Variants in DDX47 observed in about 807,000 individuals in gnomAD.
The protein encoded by DDX47 is DEAD-box helicase 47.
Under a neutral mutation model 58.8 loss-of-function variants are expected in DDX47, and 60 were observed. That is an observed-to-expected ratio of 1.02 (90% CI 0.83 to 1.26). DDX47 has a LOEUF of 1.26. Ranked by LOEUF, DDX47 falls within the 50% of genes most tolerant of loss-of-function variation. The pLI is 0.00. For missense variants in DDX47, 530 were observed against 573.2 expected (o/e 0.92, Z 0.77); for synonymous variants, 197 against 204.6 (o/e 0.96, Z 0.32).
intron 9 of DDX47, 26 bp from the exon 10 acceptor site, chr12:12,825,974 G>A: frequency 6.3e-7 from 1 of 1,584,988 alleles, no homozygotes; most frequent in Non-Finnish European, 8.6e-7. Flanking sequence ...CATATAACTT[G>A]AATTTATTTA....
intron 10 of DDX47, 189 bp downstream of exon 10, chr12:12,826,259 T>C: frequency 2.1e-6 from 1 of 480,136 alleles, no homozygotes; most frequent in Non-Finnish European, 3.7e-6. Context: ...GGAGATTATA[T>C]ATGTAAAAGA....
At chr12:12,820,792 T>G in intron 2 of DDX47, 1 of 204,888 alleles carries the variant, frequency 4.9e-6, no homozygotes. Flanking sequence ...TGAGCTACCA[T>G]GCCCAGCCAG....
chr12:12,815,401 C>T (rs186461676), intron 2 of DDX47, among the ~76,000 whole-genome samples: 40 of 152,250 alleles, frequency 2.6e-4, no homozygotes, highest in African/African-American at 9.1e-4. Context: ...TGGAGGTTAA[C>T]AGTCTGTCCT....
intron 2 of DDX47, among the ~76,000 whole-genome samples, chr12:12,819,821 A>G (rs748752977): frequency 2.0e-5 from 3 of 152,018 alleles, no homozygotes; most frequent in Non-Finnish European, 4.4e-5. Flanking sequence ...TCCTTTTGTT[A>G]GTTTCTGAAT....
Position 12,827,324 on chromosome 12 carries a change from G to A in DDX47, c.1185G>A (p.Glu395=), listed in dbSNP as rs747941816. 2 of 1,614,170 alleles carry A rather than the reference G, an allele frequency of 1.2e-6. No homozygotes were observed. The highest frequency in any genetic ancestry group is 4.5e-5 in the East Asian group (2 of 44,880). Reference sequence around the variant, plus strand: ...CAGGTTTTCCAACACAGGATGATGAGGTTATGATGCTGACAGAACGCGTCG... The same window carrying A: ...CAGGTTTTCCAACACAGGATGATGAAGTTATGATGCTGACAGAACGCGTCG... The part of the protein sequence containing the change: ...KLPGFPTQDD[E]VMMLTERVAE... The change falls in exon 11 of 12, where the codon GAG becomes GAA. Residue 395 remains glutamate, a synonymous_variant. Transcript: ENST00000358007.
In DDX47 at chr12:12,829,828, T is replaced by G. The variant is rs932018075; in HGVS notation, c.*274T>G. On this transcript the variant is annotated 3_prime_UTR_variant, in exon 12 of 12. Coordinates refer to ENST00000358007, the MANE Select transcript of DDX47 (RefSeq NM_016355.4). ...TGTCACTTCACACAGACCTTTTGCC[T>G]TTTTTAGCTGCAAGTCAAGGACTAG... 10 of 254,492 alleles carry G rather than the reference T, an allele frequency of 3.9e-5. No individual in the cohort carries two copies. The highest frequency in any genetic ancestry group is 2.2e-4 in the African/African-American group (10 of 44,948). 15.8% of individuals were successfully genotyped at this position (254,492 alleles called of 1,614,324 possible).
chr12:12,813,545 C>A, intron 1 of DDX47, 91 bp downstream of exon 1: 1 of 1,182,704 alleles, frequency 8.5e-7, no homozygotes, highest in Non-Finnish European at 1.2e-6. Context: ...TGATAGTGTA[C>A]AAAAGCATCT....
At chr12:12,816,130 C>CG (rs1256551342) in intron 2 of DDX47, among the ~76,000 whole-genome samples, 2 of 151,748 alleles carry the variant, frequency 1.3e-5, no homozygotes, top group Non-Finnish European at 2.9e-5. Flanking sequence ...AAAAAAGGAA[C>CG]GGGGGAAAAA....
chr12:12,826,269 A>G (rs1393146902), intron 10 of DDX47, 199 bp downstream of exon 10: 1 of 453,190 alleles, frequency 2.2e-6, no homozygotes, highest in Non-Finnish European at 4.0e-6. Flanking sequence ...TATGTAAAAG[A>G]TCTAGTATAG....
intron 2 of DDX47, 127 bp from the exon 3 acceptor site, chr12:12,821,080 CT>C: frequency 1.0e-6 from 1 of 955,448 alleles, no homozygotes; most frequent in Admixed American, 2.7e-5. Context: ...GTTTATTCAA[CT>C]TTCCTCTCTC....
intron 9 of DDX47, 30 bp downstream of exon 9, chr12:12,824,707 G>C (rs1863024944): frequency 1.2e-6 from 2 of 1,601,898 alleles, no homozygotes; most frequent in Admixed American, 1.7e-5. Context: ...TACCTTTCTA[G>C]TCCTAAAGTG....
In DDX47 at chr12:12,823,918, A is replaced by G. The variant is rs1277681809; in HGVS notation, c.799A>G (p.Met267Val). 5 of 1,614,120 alleles carry G rather than the reference A, an allele frequency of 3.1e-6. No homozygotes were observed. The highest frequency in any genetic ancestry group is 4.2e-6 in the Non-Finnish European group (5 of 1,180,000). ...ILNELAGNSF[M>V]IFCSTCNNTQ... ...AAATGAATTGGCTGGAAACTCCTTT[A>G]TGATATTCTGCAGCACCTGTAATAA... Residue 267 changes from methionine (M) to valine (V), a missense_variant, in exon 8 of 12, where the codon ATG (methionine) becomes GTG (valine). Coordinates refer to ENST00000358007, the MANE Select transcript of DDX47 (RefSeq NM_016355.4).
intron 1 of DDX47, 133 bp from the exon 2 acceptor site, chr12:12,813,998 G>A (rs1862854650): frequency 1.4e-6 from 1 of 691,252 alleles, no homozygotes; most frequent in Admixed American, 2.2e-5. Flanking sequence ...TAAAGAGTAG[G>A]CTCTGAGATG....
intron 2 of DDX47, among the ~76,000 whole-genome samples, chr12:12,819,615 A>T (rs932746584): frequency 6.6e-6 from 1 of 152,162 alleles, no homozygotes; most frequent in Non-Finnish European, 1.5e-5. Context: ...GTTTTTAGAC[A>T]TATCTCTAAA....
intron 4 of DDX47, 74 bp from the exon 5 acceptor site, chr12:12,821,887 CTTTA>C (rs1336610715): frequency 9.0e-6 from 11 of 1,220,908 alleles, no homozygotes; most frequent in South Asian, 1.3e-5. Context: ...GGGCAGATAA[CTTTA>C]TTTGTTTATT....
chr12:12,826,123 C>G (rs981581640), intron 10 of DDX47, 53 bp downstream of exon 10: 1 of 1,474,858 alleles, frequency 6.8e-7, no homozygotes, highest in South Asian at 1.2e-5. Context: ...GCAGAACTTT[C>G]AAGCCACTGG....
chr12:12,827,488 A>G, intron 11 of DDX47, 113 bp downstream of exon 11: 3 of 1,274,760 alleles, frequency 2.4e-6, no homozygotes, highest in Non-Finnish European at 3.3e-6. Flanking sequence ...TTTTATTCCA[A>G]ATTTAAGACG....
intron 2 of DDX47, among the ~76,000 whole-genome samples, chr12:12,817,009 C>CA (rs547500259): frequency 6.2e-4 from 95 of 152,284 alleles, no homozygotes; most frequent in Non-Finnish European, 1.1e-3. Flanking sequence ...CAGAAATGAT[C>CA]ACCATAGAAA....
intron 2 of DDX47, chr12:12,814,595 A>G (rs1444588671): frequency 5.5e-6 from 1 of 180,882 alleles, no homozygotes; most frequent in African/African-American, 2.4e-5. Context: ...TGTTTATCAG[A>G]TTTGTAAAAC....
Sources: gnomAD v4.1 joint callset for allele counts (sites outside exome capture counted in the v4.1 genomes callset) on GRCh38, gnomAD v4.1.1 for gene constraint, MANE v1.5 for transcripts, NCBI Gene and HGNC (gene_info 2026-07-23, HGNC 2026-07-21) for gene names.